The following TBC1D22A variants were observed in gnomAD, a reference collection of about 807,000 sequenced individuals.
The protein encoded by TBC1D22A is TBC1 domain family member 22A, also known as putative GTPase activator.
A neutral mutation model predicts 60.2 loss-of-function variants in TBC1D22A; 38 were observed. The ratio of observed to expected loss-of-function variants is 0.63; its 90% CI spans 0.49 to 0.83. The LOEUF (loss-of-function observed/expected upper bound fraction) is 0.83, where lower values mean the gene tolerates loss of function less well. Ranked by LOEUF, TBC1D22A falls within the 40% of genes least tolerant of loss-of-function variation. The pLI, the probability that TBC1D22A is intolerant of heterozygous loss-of-function variation, is 0.00. For synonymous variants in TBC1D22A, 302 were observed against 281.7 expected (o/e 1.07, Z -0.72); for missense variants, 628 against 701.0 (o/e 0.90, Z 1.18).
chr22:46,884,561 G>C (rs1326844405), intron 5 of TBC1D22A, among the ~76,000 whole-genome samples: 3 of 152,188 alleles, frequency 2.0e-5, no homozygotes, highest in African/African-American at 7.2e-5. Flanking sequence ...TGAGAGCAGC[G>C]GCCAGCGGCT....
chr22:46,763,271 C>T lies in TBC1D22A; in HGVS notation c.62+423C>T, dbSNP rs539351521. The stretch of plus-strand genomic sequence containing the variant: ...GGTGTTTTTGACCCACTTGATTTGC[C>T]TGTGGTCTCTTGAGGGCTGCGGCTC... On this transcript the variant is annotated intron_variant, in intron 1 of 12. Coordinates refer to ENST00000337137, the MANE Select transcript of TBC1D22A (RefSeq NM_014346.5). 143 of 178,052 alleles carry T rather than the reference C, an allele frequency of 8.0e-4. 3 individuals carry two copies. The South Asian group carries it at 0.019, about 23-fold the overall frequency. 11.0% of individuals were successfully genotyped at this position (178,052 alleles called of 1,614,324 possible).
intron 9 of TBC1D22A, among the ~76,000 whole-genome samples, chr22:46,988,032 C>G (rs2074793381): frequency 6.6e-6 from 1 of 151,886 alleles, no homozygotes; most frequent in Non-Finnish European, 1.5e-5. Context: ...TAGCTTCTGT[C>G]TCAAGAAACC....
chr22:46,883,724 GGGCCCCTTCACTGGCACACA>G (rs1464438173), intron 5 of TBC1D22A, among the ~76,000 whole-genome samples: 1 of 152,210 alleles, frequency 6.6e-6, no homozygotes, highest in Admixed American at 6.5e-5. Flanking sequence ...GTTGAAGGCT[GGGCCCCTTCACTGGCACACA>G]GGCCTTCTCT....
chr22:46,814,765 G>A (rs1471511115), intron 4 of TBC1D22A, among the ~76,000 whole-genome samples: 1 of 151,394 alleles, frequency 6.6e-6, no homozygotes, highest in African/African-American at 2.4e-5. Flanking sequence ...TCCTGCATCA[G>A]CTCCCGAGTA....
At chr22:46,778,062 AG>A (rs1254034018) in intron 1 of TBC1D22A, among the ~76,000 whole-genome samples, 4 of 152,346 alleles carry the variant, frequency 2.6e-5, no homozygotes, top group African/African-American at 9.6e-5. Flanking sequence ...GAGCAGGTAT[AG>A]TACAAATACA....
rs2074909318 is a variant in TBC1D22A, at chr22:46,990,802, TCCCTCCCGCGCCGGCGTTCGTGA to T, written c.1126-6830_1126-6808del. ...TCTCCCCGTTGGCTTGCTGGCTGTC[TCCCTCCCGCGCCGGCGTTCGTGA>T]CGGCTCTGCTCCTCGCCGTGTGCGT... On this transcript the variant is annotated intron_variant, in intron 9 of 12. Transcript: ENST00000337137. This position sits in a 1 kb window ranked among gnomAD's most constrained non-coding sequence, Gnocchi z 4.6. Among the ~76,000 whole-genome samples, 1 of 152,176 alleles carries T rather than the reference TCCCTCCCGCGCCGGCGTTCGTGA, an allele frequency of 6.6e-6. No individual in the cohort carries two copies. The highest frequency in any genetic ancestry group is 2.1e-4 in the South Asian group (1 of 4,828).
At position 46,915,176 on chromosome 22, in the gene TBC1D22A, T is replaced by G. The variant is rs901729585; in HGVS notation, c.1015+2988T>G. The G allele has an allele frequency of 1.7e-5, 6 of 351,912 alleles. No homozygotes were observed. In the East Asian group the frequency reaches 4.4e-4, roughly 26 times the overall value. The allele number at this position is 351,912 out of a possible 1,614,324, so 21.8% of individuals were successfully genotyped here. On this transcript the variant is annotated intron_variant, in intron 8 of 12. Coordinates refer to ENST00000337137, the MANE Select transcript of TBC1D22A (RefSeq NM_014346.5). ...CAGCCACTGTGCTCAGGTTCTTATC[T>G]TTGAACATTCATTCTGGCAGCTGCG...
intron 1 of TBC1D22A, among the ~76,000 whole-genome samples, chr22:46,775,275 C>T (rs971012713): frequency 5.3e-5 from 8 of 152,198 alleles, no homozygotes; most frequent in African/African-American, 1.7e-4. Flanking sequence ...GGGAGGCTAG[C>T]GAGTTGCCTG....
intron 8 of TBC1D22A, among the ~76,000 whole-genome samples, chr22:46,930,752 C>T (rs953482588): frequency 6.6e-5 from 10 of 151,964 alleles, no homozygotes; most frequent in Admixed American, 1.3e-4. Context: ...TGTGAGCCAC[C>T]GCGCCCAGCC....
At chr22:46,878,125 A>ATCTT (rs1187143028) in intron 4 of TBC1D22A, among the ~76,000 whole-genome samples, 1 of 152,120 alleles carries the variant, frequency 6.6e-6, no homozygotes, top group Non-Finnish European at 1.5e-5. Flanking sequence ...TTAATGGTGT[A>ATCTT]TAAAGACAAG....
intron 12 of TBC1D22A, among the ~76,000 whole-genome samples, chr22:47,142,107 C>T (rs972946710): frequency 2.0e-5 from 3 of 152,176 alleles, no homozygotes; most frequent in African/African-American, 7.2e-5. Context: ...AGGACTAGCT[C>T]CCTCCAGGTT....
chr22:46,901,712 G>C (rs982504116), intron 7 of TBC1D22A, among the ~76,000 whole-genome samples: 79 of 152,270 alleles, frequency 5.2e-4, no homozygotes, highest in African/African-American at 1.8e-3. Context: ...CTCACATGGG[G>C]GGGGGATGTT....
At chr22:46,795,806 C>A (rs978796918) in intron 3 of TBC1D22A, among the ~76,000 whole-genome samples, 1 of 152,206 alleles carries the variant, frequency 6.6e-6, no homozygotes, top group Non-Finnish European at 1.5e-5. Flanking sequence ...GATGAAACCA[C>A]ATCAGTCATT....
chr22:47,034,370 G>C (rs1260406911), intron 10 of TBC1D22A, among the ~76,000 whole-genome samples: 1 of 152,210 alleles, frequency 6.6e-6, no homozygotes, highest in Non-Finnish European at 1.5e-5. Flanking sequence ...AGATGTCACT[G>C]GCACGTCAGC....
intron 12 of TBC1D22A, among the ~76,000 whole-genome samples, chr22:47,151,218 G>A (rs926260357): frequency 6.6e-6 from 1 of 152,172 alleles, no homozygotes; most frequent in African/African-American, 2.4e-5. Flanking sequence ...ACTTTTAAAC[G>A]CTGCGTGGTG....
rs373076723 is a variant in TBC1D22A, at chr22:47,130,408, T to G, written c.1425+18805T>G. 3.1e-3 allele frequency among the ~76,000 whole-genome samples: 473 copies of G among 152,108 alleles called. 2 individuals are homozygous for G. The highest frequency in any genetic ancestry group is 0.011 in the African/African-American group (436 of 41,478). On this transcript the variant is annotated intron_variant, in intron 12 of 12. Transcript: ENST00000337137. ...CCGGTAGAGCACACCCCTCAGCACT[T>G]CTCTGTGTGAATGAGCCTGGCAGGG...
At chr22:46,972,344 C>T (rs1363205994) in intron 8 of TBC1D22A, among the ~76,000 whole-genome samples, 1 of 152,224 alleles carries the variant, frequency 6.6e-6, no homozygotes, top group Non-Finnish European at 1.5e-5. Context: ...ACAGATCCCG[C>T]CCACGGGACC....
At chr22:47,086,492 G>A (rs1034074671) in intron 11 of TBC1D22A, among the ~76,000 whole-genome samples, 2 of 151,972 alleles carry the variant, frequency 1.3e-5, no homozygotes, top group African/African-American at 2.4e-5. Context: ...AAAACAAACC[G>A]TAGCCTTAAT....
At chr22:46,893,413 T>C (rs966157933) in intron 6 of TBC1D22A, among the ~76,000 whole-genome samples, 3 of 152,154 alleles carry the variant, frequency 2.0e-5, no homozygotes, top group Admixed American at 6.5e-5. Context: ...GCCTCTCTAA[T>C]GTTGGAGCCT....
Sources: gnomAD v4.1 joint callset for allele counts (sites outside exome capture counted in the v4.1 genomes callset) on GRCh38, gnomAD v4.1.1 for gene constraint, Gnocchi (gnomAD v3.1) non-coding constraint, MANE v1.5 for transcripts, NCBI Gene and HGNC (gene_info 2026-07-23, HGNC 2026-07-21) for gene names.